The following KIAA1958 variants were observed in gnomAD, a reference collection of about 807,000 sequenced individuals.
The protein encoded by KIAA1958 is KIAA1958.
KIAA1958 carries 14 observed loss-of-function variants against 47.2 expected under a neutral mutation model. That is an observed-to-expected ratio of 0.30 (90% CI 0.20 to 0.46). The LOEUF (loss-of-function observed/expected upper bound fraction) is 0.46. Ranked by LOEUF, KIAA1958 falls within the 20% of genes least tolerant of loss-of-function variation. The pLI is 1.00. For synonymous variants in KIAA1958, 354 were observed against 353.3 expected, an observed-to-expected ratio of 1.00 and a Z score of -0.02; for missense variants, 803 against 909.2, an observed-to-expected ratio of 0.88 and a Z score of 1.50.
At chr9:112,562,540 G>A (rs1300180508) in intron 1 of KIAA1958, among the ~76,000 whole-genome samples, 1 of 152,192 alleles carries the variant, frequency 6.6e-6, no homozygotes, top group Non-Finnish European at 1.5e-5. Flanking sequence ...GGGCAGTTGA[G>A]ATTCTAGAAA....
chr9:112,513,319 T>C (rs1834354616), intron 1 of KIAA1958, among the ~76,000 whole-genome samples: 1 of 141,334 alleles, frequency 7.1e-6, no homozygotes, highest in Non-Finnish European at 1.5e-5. Context: ...ATAGGTGTCT[T>C]GCATTTAGCA....
At chr9:112,518,108 C>G (rs1834469892) in intron 1 of KIAA1958, among the ~76,000 whole-genome samples, 1 of 152,126 alleles carries the variant, frequency 6.6e-6, no homozygotes, top group Non-Finnish European at 1.5e-5. Flanking sequence ...GTCCCAGCTA[C>G]TTGGGAGGCT....
At chr9:112,649,913 G>A (rs1837031201) in intron 3 of KIAA1958, among the ~76,000 whole-genome samples, 1 of 152,058 alleles carries the variant, frequency 6.6e-6, no homozygotes, top group Non-Finnish European at 1.5e-5. Context: ...ACAAAGGAAT[G>A]AAGATTACTG....
At chr9:112,493,420 G>C (rs1175821050) in intron 1 of KIAA1958, among the ~76,000 whole-genome samples, 1 of 152,062 alleles carries the variant, frequency 6.6e-6, no homozygotes, top group East Asian at 1.9e-4. Context: ...CAGTGAGTTG[G>C]TACCACCTTC....
chr9:112,609,258 G>A (rs182175523), intron 2 of KIAA1958, among the ~76,000 whole-genome samples: 1 of 152,220 alleles, frequency 6.6e-6, no homozygotes, highest in Non-Finnish European at 1.5e-5. Context: ...TGATATATGC[G>A]TTTCTGAAAA....
intron 2 of KIAA1958, among the ~76,000 whole-genome samples, chr9:112,596,654 A>T (rs1342844982): frequency 1.3e-5 from 2 of 152,194 alleles, no homozygotes; most frequent in Non-Finnish European, 2.9e-5. Flanking sequence ...CTTAGAAATC[A>T]GCATCCTCCT....
chr9:112,657,859 CTT>C (rs762027454), intron 3 of KIAA1958, among the ~76,000 whole-genome samples: 29 of 143,540 alleles, frequency 2.0e-4, no homozygotes, highest in Middle Eastern at 3.6e-3. Context: ...CTTTTTCTTC[CTT>C]TTTTTTTTTT....
At chr9:112,534,734 G>C (rs1834821342) in intron 1 of KIAA1958, among the ~76,000 whole-genome samples, 1 of 151,874 alleles carries the variant, frequency 6.6e-6, no homozygotes, top group Non-Finnish European at 1.5e-5. Context: ...ATTAGAGATG[G>C]GGTTTCTCCA....
At chr9:112,650,791 A>G (rs1446595783) in intron 3 of KIAA1958, among the ~76,000 whole-genome samples, 1 of 152,196 alleles carries the variant, frequency 6.6e-6, no homozygotes, top group Non-Finnish European at 1.5e-5. Flanking sequence ...TGTGCTATTC[A>G]CATCTGGCTT....
chr9:112,543,773 G>A lies in KIAA1958; in HGVS notation c.-24-30284G>A, dbSNP rs534476421. Among the ~76,000 whole-genome samples, 9 of 151,908 alleles carry A rather than the reference G, an allele frequency of 5.9e-5. No homozygotes were observed. The South Asian group carries it at 6.2e-4, about 11-fold the overall frequency. ...TTTTTAGTAGAGATAGGGTTTCTCC[G>A]TGTTGGTCAGGCTGGTCTCGAACTT... On this transcript the variant is annotated intron_variant, in intron 1 of 3. Coordinates refer to ENST00000337530, the MANE Select transcript of KIAA1958 (RefSeq NM_133465.4).
At chr9:112,553,307 C>T (rs1443904029) in intron 1 of KIAA1958, among the ~76,000 whole-genome samples, 2 of 151,904 alleles carry the variant, frequency 1.3e-5, no homozygotes, top group Non-Finnish European at 2.9e-5. Flanking sequence ...CTGGCTTCAG[C>T]CTCCCAAGTA....
intron 1 of KIAA1958, among the ~76,000 whole-genome samples, chr9:112,550,396 G>T (rs1358494704): frequency 6.6e-6 from 1 of 152,158 alleles, no homozygotes; most frequent in Non-Finnish European, 1.5e-5. Context: ...TGTTACTGAA[G>T]GGGCATTTAA....
chr9:112,489,584 G>A (rs2026196), intron 1 of KIAA1958, among the ~76,000 whole-genome samples: 145,311 of 152,138 alleles, frequency 0.96, 69,456 homozygotes, highest in African/African-American at 0.98. Flanking sequence ...CATATTTTCA[G>A]CTGATTTCCT....
chr9:112,666,191 C>G lies in KIAA1958; in HGVS notation c.*6122C>G, dbSNP rs941968459. ...TTCATCATGTTGGCCAGGCTGGTCT[C>G]GAACTCCGACCTCAGTGATCCACCT... On this transcript the variant is annotated 3_prime_UTR_variant, in exon 4 of 4. Transcript: ENST00000337530. 1.3e-5 allele frequency: 2 copies of G among 152,004 alleles called. No individual in the cohort carries two copies. Among genetic ancestry groups the G allele is most frequent in the African/African-American group, 4.8e-5 (2 of 41,380 alleles). 9.4% of individuals were successfully genotyped at this position (152,004 alleles called of 1,614,324 possible).
At chr9:112,658,132 C>G (rs190691479) in intron 3 of KIAA1958, among the ~76,000 whole-genome samples, 5 of 152,326 alleles carry the variant, frequency 3.3e-5, no homozygotes, top group Admixed American at 1.3e-4. Context: ...GTTGGGATTA[C>G]AGGCGTGAGC....
At chr9:112,565,720 T>A (rs1379018772) in intron 1 of KIAA1958, among the ~76,000 whole-genome samples, 2 of 152,220 alleles carry the variant, frequency 1.3e-5, no homozygotes, top group East Asian at 1.9e-4. Context: ...TGCCTTAATA[T>A]ATCAGCTAAT....
intron 2 of KIAA1958, among the ~76,000 whole-genome samples, chr9:112,578,233 T>C (rs1365048369): frequency 6.6e-6 from 1 of 152,196 alleles, no homozygotes; most frequent in Admixed American, 6.5e-5. Flanking sequence ...GTTTTAGTTA[T>C]GTGTTTGTGT....
At chr9:112,517,751 G>GGGC (rs1282950514) in intron 1 of KIAA1958, among the ~76,000 whole-genome samples, 1 of 152,064 alleles carries the variant, frequency 6.6e-6, no homozygotes, top group Non-Finnish European at 1.5e-5. Context: ...AAAAAGCAAG[G>GGGC]AGCCAAGATA....
rs748461290 is a variant in KIAA1958, at chr9:112,662,922, A to G, written c.*2853A>G. The G allele has an allele frequency of 7.2e-5, 11 of 152,250 alleles. No individual in the cohort carries two copies. The highest frequency in any genetic ancestry group is 2.1e-4 in the South Asian group (1 of 4,832). The allele number at this position is 152,250 out of a possible 1,614,324, so 9.4% of individuals were successfully genotyped here. On this transcript the variant is annotated 3_prime_UTR_variant, in exon 4 of 4. Coordinates refer to ENST00000337530, the MANE Select transcript of KIAA1958 (RefSeq NM_133465.4). Reference sequence around the variant, plus strand: ...AAGGCAGTTGTTCTGGCTTCCAGTCAGCTCTAAACCTTACCTTCTGGGGAC... The same window carrying G: ...AAGGCAGTTGTTCTGGCTTCCAGTCGGCTCTAAACCTTACCTTCTGGGGAC...
Sources: gnomAD v4.1 joint callset for allele counts (sites outside exome capture counted in the v4.1 genomes callset) on GRCh38, gnomAD v4.1.1 for gene constraint, MANE v1.5 for transcripts, NCBI Gene and HGNC (gene_info 2026-07-23, HGNC 2026-07-21) for gene names.